The following SDK1 variants were observed in gnomAD, a reference collection of about 807,000 sequenced individuals.
SDK1 encodes sidekick cell adhesion molecule 1.
Under a neutral mutation model 245.5 loss-of-function variants are expected in SDK1, and 157 were observed. The observed-to-expected ratio is 0.64, with a 90% CI of 0.56 to 0.73. The LOEUF is 0.73. SDK1 is among the 30% of genes least tolerant of loss of function. The pLI is 0.00. For missense variants in SDK1, 3,583 were observed against 3,002.3 expected (o/e 1.19, Z -4.52); for synonymous variants, 1,647 against 1,278.5 (o/e 1.29, Z -6.15).
intron 17 of SDK1, among the ~76,000 whole-genome samples, chr7:4,022,354 G>A (rs1000554840): frequency 6.6e-6 from 1 of 152,158 alleles, no homozygotes; most frequent in African/African-American, 2.4e-5. Flanking sequence ...AGGTATCCGG[G>A]GAAATGAGAT....
At chr7:3,993,653 A>G (rs550403189) in intron 14 of SDK1, among the ~76,000 whole-genome samples, 1 of 152,320 alleles carries the variant, frequency 6.6e-6, no homozygotes, top group African/African-American at 2.4e-5. Context: ...ACATATGTTG[A>G]AAGCCAGCCC....
chr7:3,351,845 G>C (rs79437600), intron 1 of SDK1, among the ~76,000 whole-genome samples: 1 of 152,100 alleles, frequency 6.6e-6, no homozygotes, highest in Non-Finnish European at 1.5e-5. Flanking sequence ...GAAATCTTAG[G>C]ATATGGAAGA....
At chr7:3,584,409 T>C (rs1780614671) in intron 1 of SDK1, among the ~76,000 whole-genome samples, 1 of 152,126 alleles carries the variant, frequency 6.6e-6, no homozygotes, top group African/African-American at 2.4e-5. Flanking sequence ...CTTATTCTGA[T>C]TGAGCTTTCA....
At chr7:3,588,095 G>C (rs1780749015) in intron 1 of SDK1, among the ~76,000 whole-genome samples, 1 of 152,136 alleles carries the variant, frequency 6.6e-6, no homozygotes, top group South Asian at 2.1e-4. Context: ...GTGGATCTAC[G>C]AGCCCTGTAT....
intron 35 of SDK1, among the ~76,000 whole-genome samples, chr7:4,181,537 G>A (rs1782603867): frequency 1.3e-5 from 2 of 151,944 alleles, no homozygotes; most frequent in African/African-American, 2.4e-5. Flanking sequence ...CTTCCCCACT[G>A]GGCCCCCATC....
chr7:3,361,735 G>C lies in SDK1; in HGVS notation c.298+59851G>C, dbSNP rs985806301. On this transcript the variant is annotated intron_variant, in intron 1 of 44. Transcript: ENST00000404826. ...ACACGAAATAGGGCATTTATTGCAG[G>C]TTTATTAGTGGGGAGAAATAACAAT... Among the ~76,000 whole-genome samples the C allele has an allele frequency of 2.6e-5, 4 of 152,274 alleles. No homozygotes were observed. The East Asian group carries it at 7.7e-4, about 29-fold the overall frequency.
intron 32 of SDK1, among the ~76,000 whole-genome samples, chr7:4,169,945 G>A (rs1781736015): frequency 6.6e-6 from 1 of 152,186 alleles, no homozygotes. Flanking sequence ...CGGCCATGGA[G>A]AACACTTCCT....
chr7:3,932,014 A>G (rs960000693), intron 5 of SDK1, among the ~76,000 whole-genome samples: 5 of 152,078 alleles, frequency 3.3e-5, no homozygotes, highest in African/African-American at 1.2e-4. Context: ...ATTGGTTTGG[A>G]TTGATAGTTT....
chr7:3,932,549 C>T (rs1027399309), intron 5 of SDK1, among the ~76,000 whole-genome samples: 1 of 152,164 alleles, frequency 6.6e-6, no homozygotes, highest in African/African-American at 2.4e-5. Context: ...GAAGCTGGGG[C>T]AGACGGGAAA....
intron 1 of SDK1, among the ~76,000 whole-genome samples, chr7:3,578,147 C>T (rs1780358351): frequency 6.6e-6 from 1 of 151,862 alleles, no homozygotes; most frequent in Non-Finnish European, 1.5e-5. Context: ...TTCTATTTTC[C>T]ATTAGCATAC....
chr7:3,813,206 A>G (rs1463186817), intron 4 of SDK1, among the ~76,000 whole-genome samples: 2 of 148,068 alleles, frequency 1.4e-5, no homozygotes. Flanking sequence ...GGTGCGCTGC[A>G]CCCACTAACT....
intron 1 of SDK1, among the ~76,000 whole-genome samples, chr7:3,516,262 A>G (rs1165100779): frequency 2.0e-5 from 3 of 151,986 alleles, no homozygotes; most frequent in African/African-American, 7.2e-5. Context: ...TATACCATCA[A>G]TTTATAATAC....
chr7:4,099,084 C>T (rs1363001514), intron 22 of SDK1, among the ~76,000 whole-genome samples: 1 of 151,764 alleles, frequency 6.6e-6, no homozygotes, highest in Admixed American at 6.6e-5. Flanking sequence ...GCCAGGAAGG[C>T]TCTGCAGAGG....
chr7:4,211,275 C>A (rs994006588), intron 38 of SDK1, among the ~76,000 whole-genome samples: 8 of 152,182 alleles, frequency 5.3e-5, no homozygotes, highest in Non-Finnish European at 1.2e-4. Context: ...GAGGAAATGT[C>A]AGGGGCTTGA....
At chr7:3,471,724 A>G (rs2128598659) in intron 1 of SDK1, among the ~76,000 whole-genome samples, 1 of 152,298 alleles carries the variant, frequency 6.6e-6, no homozygotes, top group East Asian at 1.9e-4. Flanking sequence ...CAGAGAAAAT[A>G]CTGCTTTTCT....
rs772045877 is a variant in SDK1, at chr7:4,265,267, C to T, written c.6525C>T (p.Gly2175=). The part of the protein sequence containing the change: ...PAPHRYEAVA[G]SEAGAQLHPV... ...CGCACAGGTACGAGGCGGTGGCGGG[C>T]TCCGAGGCGGGCGCGCAGCTGCACC... The change falls in exon 45 of 45, where the codon GGC becomes GGT. Residue 2175 remains glycine, a synonymous_variant. Transcript: ENST00000404826. 6.3e-7 allele frequency: 1 copy of T among 1,596,286 alleles called. No homozygotes were observed. Among genetic ancestry groups the T allele is most frequent in the African/African-American group, 1.3e-5 (1 of 74,778 alleles).
Position 3,491,638 on chromosome 7 carries a change from G to C in SDK1, c.299-127442G>C, listed in dbSNP as rs985554098. On this transcript the variant is annotated intron_variant, in intron 1 of 44. Coordinates refer to ENST00000404826, the MANE Select transcript of SDK1 (RefSeq NM_152744.4). ...AACACATAGCTATATCTCTCCTGAAGTCTTCTTGCAGTTACTAATTAAGGC... is the reference window on the plus strand; with the variant it reads ...AACACATAGCTATATCTCTCCTGAACTCTTCTTGCAGTTACTAATTAAGGC... Among the ~76,000 whole-genome samples the C allele has an allele frequency of 1.3e-5, 2 of 152,178 alleles. 1 individual carries two copies. The highest frequency in any genetic ancestry group is 4.8e-5 in the African/African-American group (2 of 41,442).
intron 1 of SDK1, among the ~76,000 whole-genome samples, chr7:3,388,348 A>G (rs1781661189): frequency 6.7e-6 from 1 of 149,280 alleles, no homozygotes; most frequent in Non-Finnish European, 1.5e-5. Flanking sequence ...TTGAAGATTA[A>G]AAAAAAAATC....
intron 1 of SDK1, among the ~76,000 whole-genome samples, chr7:3,481,679 A>G (rs1050540165): frequency 6.6e-6 from 1 of 152,190 alleles, no homozygotes; most frequent in East Asian, 1.9e-4. Context: ...GGCTCGTGTC[A>G]GGGACCCTGT....
Sources: allele counts gnomAD v4.1 joint callset (sites outside exome capture counted in the v4.1 genomes callset), GRCh38; gene constraint gnomAD v4.1.1; transcripts MANE v1.5; gene names NCBI Gene and HGNC (gene_info 2026-07-23, HGNC 2026-07-21).